The following CDH4 variants were observed in gnomAD, a reference collection of about 807,000 sequenced individuals.
CDH4 encodes cadherin 4.
Under a neutral mutation model 86.0 loss-of-function variants are expected in CDH4, and 33 were observed. That is an observed-to-expected ratio of 0.38 (90% confidence interval 0.29 to 0.51). The LOEUF is 0.51. CDH4 is among the 20% of genes least tolerant of loss of function. The pLI, the probability that CDH4 is intolerant of heterozygous loss-of-function variation, is 0.86. For missense variants in CDH4, 1,114 were observed against 1,307.4 expected, an observed-to-expected ratio of 0.85 and a Z score of 2.28; for synonymous variants, 555 against 549.4, an observed-to-expected ratio of 1.01 and a Z score of -0.14.
At chr20:61,522,384 T>C (rs919716611) in intron 2 of CDH4, among the ~76,000 whole-genome samples, 5 of 152,188 alleles carry the variant, frequency 3.3e-5, no homozygotes, top group African/African-American at 1.2e-4. Flanking sequence ...GCATGAGGAA[T>C]AGCCACTCGT....
intron 8 of CDH4, among the ~76,000 whole-genome samples, chr20:61,908,362 A>G (rs1170939528): frequency 6.6e-6 from 1 of 152,160 alleles, no homozygotes; most frequent in African/African-American, 2.4e-5. Flanking sequence ...GACAGTCGCC[A>G]TCTGTATTTC....
At chr20:61,565,095 G>GTGGTGGTGGTGGTGC (rs1568688020) in intron 2 of CDH4, among the ~76,000 whole-genome samples, 2 of 127,836 alleles carry the variant, frequency 1.6e-5, no homozygotes, top group African/African-American at 3.3e-5. Context: ...GGTGCTCTTG[G>GTGGTGGTGGTGGTGC]TGGTGCTCTT....
chr20:61,805,363 C>T (rs192585689), intron 4 of CDH4, among the ~76,000 whole-genome samples: 8 of 152,182 alleles, frequency 5.3e-5, no homozygotes, highest in Admixed American at 6.5e-5. Flanking sequence ...GCCAGGATGG[C>T]CTCTGTGTTG....
chr20:61,694,150 A>G (rs1038479218), intron 2 of CDH4, among the ~76,000 whole-genome samples: 46 of 152,044 alleles, frequency 3.0e-4, no homozygotes, highest in African/African-American at 9.7e-4. Context: ...CTCCTCAGCT[A>G]TGATCACAGG....
intron 13 of CDH4, among the ~76,000 whole-genome samples, chr20:61,930,521 G>A (rs1394308046): frequency 6.6e-6 from 1 of 152,070 alleles, no homozygotes; most frequent in Non-Finnish European, 1.5e-5. Context: ...GCGGGGAAGG[G>A]TTGGGCTACC....
chr20:61,522,669 C>G (rs2085879026), intron 2 of CDH4, among the ~76,000 whole-genome samples: 1 of 152,252 alleles, frequency 6.6e-6, no homozygotes, highest in Admixed American at 6.5e-5. Flanking sequence ...CGGCGCAGTC[C>G]GGGTGGGAGC....
At chr20:61,863,722 A>G (rs961649552) in intron 6 of CDH4, among the ~76,000 whole-genome samples, 1 of 152,206 alleles carries the variant, frequency 6.6e-6, no homozygotes, top group African/African-American at 2.4e-5. Context: ...CCAGAGGGAC[A>G]GAGCAGCTCT....
chr20:61,548,219 C>G (rs1462302679), intron 2 of CDH4, among the ~76,000 whole-genome samples: 2 of 152,170 alleles, frequency 1.3e-5, no homozygotes, highest in African/African-American at 4.8e-5. Flanking sequence ...TACCCAAAAA[C>G]CTGTACAGTT....
chr20:61,929,603 C>T lies in CDH4; in HGVS notation c.2006-6C>T. The T allele has an allele frequency of 3.1e-6, 5 of 1,609,526 alleles. No homozygotes were observed. The highest frequency in any genetic ancestry group is 1.1e-5 in the South Asian group (1 of 90,982). ...TGGTTGAATGTTTACTGTTGCTTTG[C>T]ACCAGGTGACTATGCCCAACTCAGC... On this transcript the variant is annotated splice_region_variant and splice_polypyrimidine_tract_variant and intron_variant, in intron 12 of 15. Transcript: ENST00000614565.
intron 2 of CDH4, among the ~76,000 whole-genome samples, chr20:61,445,362 G>A (rs1291464271): frequency 6.6e-6 from 1 of 152,220 alleles, no homozygotes; most frequent in Non-Finnish European, 1.5e-5. Flanking sequence ...TGGCCAAGCC[G>A]AAGGCATGAG....
intron 2 of CDH4, among the ~76,000 whole-genome samples, chr20:61,720,590 T>G (rs2088028255): frequency 2.1e-5 from 3 of 145,756 alleles, no homozygotes; most frequent in African/African-American, 5.2e-5. Flanking sequence ...AGAGTAGGGG[T>G]GTACAGTGCA....
chr20:61,591,805 A>G (rs1227560662), intron 2 of CDH4, among the ~76,000 whole-genome samples: 1 of 152,202 alleles, frequency 6.6e-6, no homozygotes, highest in African/African-American at 2.4e-5. Flanking sequence ...CAGGTCTTCC[A>G]TTATACGGCA....
chr20:61,858,668 C>T (rs1983180281), intron 6 of CDH4, among the ~76,000 whole-genome samples: 1 of 152,214 alleles, frequency 6.6e-6, no homozygotes. Context: ...GGAATCACAG[C>T]CGTGTGTTCC....
At chr20:61,270,926 G>A (rs1323158738) in intron 2 of CDH4, among the ~76,000 whole-genome samples, 1 of 152,154 alleles carries the variant, frequency 6.6e-6, no homozygotes, top group Non-Finnish European at 1.5e-5. Context: ...TTCATAGTCT[G>A]GGAAACTTTC....
chr20:61,748,884 C>CA (rs1193713878), intron 3 of CDH4, among the ~76,000 whole-genome samples: 6 of 75,094 alleles, frequency 8.0e-5, no homozygotes. Context: ...CCAAAAAATG[C>CA]AAAAAAGAGA....
rs2087555787 is a variant in CDH4 at position 61,684,803 on chromosome 20, C to T, written c.170-58760C>T. On this transcript the variant is annotated intron_variant, in intron 2 of 15. Transcript: ENST00000614565. This position sits in a 1 kb window ranked among gnomAD's most constrained non-coding sequence, Gnocchi z 4.5. ...ACAGCCGCCTGCCGTGACCACCCCTCGATGTGGGTGAGGTTTCTAAACTGC... is the reference window on the plus strand; with the variant it reads ...ACAGCCGCCTGCCGTGACCACCCCTTGATGTGGGTGAGGTTTCTAAACTGC... Among the ~76,000 whole-genome samples, 1 of 152,160 alleles carries T rather than the reference C, an allele frequency of 6.6e-6. No individual in the cohort carries two copies. Among genetic ancestry groups the T allele is most frequent in the Admixed American group, 6.5e-5 (1 of 15,288 alleles).
intron 9 of CDH4, among the ~76,000 whole-genome samples, chr20:61,919,441 A>T (rs6089549): frequency 0.1 from 15,955 of 152,248 alleles, 1,386 homozygotes; most frequent in African/African-American, 0.24. Flanking sequence ...GTCTCACCTG[A>T]GGCCCTCAGC....
chr20:61,924,710 C>A (rs986930889), intron 11 of CDH4, among the ~76,000 whole-genome samples: 1 of 151,956 alleles, frequency 6.6e-6, no homozygotes, highest in Non-Finnish European at 1.5e-5. Context: ...ATTCATTCTG[C>A]CCCCTCCCCA....
At chr20:61,264,728 T>C (rs1449533908) in intron 2 of CDH4, among the ~76,000 whole-genome samples, 1 of 147,414 alleles carries the variant, frequency 6.8e-6, no homozygotes, top group East Asian at 2.2e-4. Flanking sequence ...CATACCCCAG[T>C]GGCTCCTTCA....
Sources: gnomAD v4.1 joint callset for allele counts (sites outside exome capture counted in the v4.1 genomes callset) on GRCh38, gnomAD v4.1.1 for gene constraint, Gnocchi (gnomAD v3.1) non-coding constraint, MANE v1.5 for transcripts, NCBI Gene and HGNC (gene_info 2026-07-23, HGNC 2026-07-21) for gene names.